The following DYNC1I1 variants were observed in gnomAD, a reference collection of about 807,000 sequenced individuals.
DYNC1I1 encodes the protein cytoplasmic dynein 1 intermediate chain 1.
In DYNC1I1, 43 loss-of-function variants were observed where a neutral mutation model predicts 86.6. That is an observed-to-expected ratio of 0.50 (90% confidence interval 0.39 to 0.64). DYNC1I1 has a LOEUF of 0.64. Ranked by LOEUF, DYNC1I1 falls within the 30% of genes least tolerant of loss-of-function variation. DYNC1I1 has a pLI of 0.00. For synonymous variants in DYNC1I1, 262 were observed against 283.7 expected, an observed-to-expected ratio of 0.92 and a Z score of 0.77; for missense variants, 604 against 788.8, an observed-to-expected ratio of 0.77 and a Z score of 2.81.
intron 5 of DYNC1I1, among the ~76,000 whole-genome samples, chr7:95,851,487 C>T (rs1438623561): frequency 1.3e-5 from 2 of 152,134 alleles, no homozygotes; most frequent in Non-Finnish European, 2.9e-5. Context: ...CTATGGAAAG[C>T]AAAACCTTGG....
chr7:95,866,360 C>G (rs1449777192), intron 5 of DYNC1I1, among the ~76,000 whole-genome samples: 1 of 152,148 alleles, frequency 6.6e-6, no homozygotes, highest in African/African-American at 2.4e-5. Context: ...AAGAAGCATG[C>G]CTCAATGAGT....
chr7:95,931,485 A>T (rs2116410687), intron 6 of DYNC1I1, among the ~76,000 whole-genome samples: 1 of 138,942 alleles, frequency 7.2e-6, no homozygotes, highest in Non-Finnish European at 1.5e-5. Context: ...ATCTAATAAT[A>T]CTGATAAAGA....
chr7:96,054,036 A>G (rs1192860057), intron 14 of DYNC1I1, among the ~76,000 whole-genome samples: 2 of 152,164 alleles, frequency 1.3e-5, no homozygotes, highest in Non-Finnish European at 2.9e-5. Context: ...TTTGTTACAT[A>G]GGTGCCATAG....
chr7:95,809,390 G>A (rs1794776454), intron 2 of DYNC1I1, among the ~76,000 whole-genome samples: 1 of 152,130 alleles, frequency 6.6e-6, no homozygotes. Context: ...TGGGGAAGAA[G>A]GTATGTCTCA....
At chr7:95,787,038 C>T (rs954254274) in intron 1 of DYNC1I1, among the ~76,000 whole-genome samples, 2 of 152,176 alleles carry the variant, frequency 1.3e-5, no homozygotes, top group African/African-American at 4.8e-5. Context: ...CTGAATCTTA[C>T]TTTTGAGTGT....
intron 1 of DYNC1I1, among the ~76,000 whole-genome samples, chr7:95,776,780 G>A (rs1562887761): frequency 1.3e-5 from 2 of 152,210 alleles, no homozygotes; most frequent in Non-Finnish European, 2.9e-5. Flanking sequence ...CAGGCCTCCA[G>A]GCGTGGCAGG....
chr7:95,823,729 G>A (rs1179958805), intron 4 of DYNC1I1, among the ~76,000 whole-genome samples: 1 of 151,692 alleles, frequency 6.6e-6, no homozygotes, highest in Admixed American at 6.6e-5. Context: ...GACTTTGTCA[G>A]GTTTACATAT....
chr7:96,059,375 A>AAT (rs993532948), intron 14 of DYNC1I1, among the ~76,000 whole-genome samples: 4 of 152,180 alleles, frequency 2.6e-5, no homozygotes, highest in Admixed American at 6.5e-5. Flanking sequence ...ATTTGTTTAC[A>AAT]ATATGAGAGC....
chr7:95,813,111 TA>T, intron 3 of DYNC1I1, 135 bp from the exon 4 acceptor site: 2 of 1,427,792 alleles, frequency 1.4e-6, no homozygotes, highest in Non-Finnish European at 9.3e-7. Context: ...TTTTTTTCTT[TA>T]TCCCATCTCA....
At chr7:95,866,610 C>T (rs1300040981) in intron 5 of DYNC1I1, among the ~76,000 whole-genome samples, 2 of 152,216 alleles carry the variant, frequency 1.3e-5, no homozygotes, top group South Asian at 2.1e-4. Context: ...GTATGAAAAG[C>T]GTCTGGCATA....
chr7:95,977,167 G>A (rs1285184580), intron 6 of DYNC1I1, among the ~76,000 whole-genome samples: 1 of 152,184 alleles, frequency 6.6e-6, no homozygotes, highest in Non-Finnish European at 1.5e-5. Context: ...GCTCCAGGTG[G>A]AAACATTTTA....
intron 10 of DYNC1I1, among the ~76,000 whole-genome samples, chr7:96,022,888 A>AATG (rs1794588224): frequency 6.6e-6 from 1 of 151,656 alleles, no homozygotes; most frequent in African/African-American, 2.4e-5. Flanking sequence ...TAATAATAAT[A>AATG]ATATAAAGAA....
At chr7:96,076,748 AAC>A (rs1338863071) in intron 15 of DYNC1I1, among the ~76,000 whole-genome samples, 1 of 152,238 alleles carries the variant, frequency 6.6e-6, no homozygotes, top group African/African-American at 2.4e-5. Flanking sequence ...AGACTTTTAC[AAC>A]AGTCTCCAAC....
intron 6 of DYNC1I1, among the ~76,000 whole-genome samples, chr7:95,891,638 G>A (rs926551574): frequency 2.0e-5 from 3 of 152,178 alleles, no homozygotes; most frequent in Non-Finnish European, 4.4e-5. Context: ...GAGTTTTAAT[G>A]TTCTTGCATA....
chr7:95,881,560 C>A (rs1790455737), intron 6 of DYNC1I1, among the ~76,000 whole-genome samples: 1 of 152,186 alleles, frequency 6.6e-6, no homozygotes, highest in Non-Finnish European at 1.5e-5. Context: ...TATTTGGGAA[C>A]AAATGATCTC....
At chr7:95,916,793 A>G (rs139776578) in intron 6 of DYNC1I1, among the ~76,000 whole-genome samples, 54 of 152,316 alleles carry the variant, frequency 3.5e-4, no homozygotes, top group African/African-American at 1.3e-3. Flanking sequence ...CTTACTTTTT[A>G]GAAAACTGCT....
At chr7:95,789,975 G>A (rs890895147) in intron 1 of DYNC1I1, among the ~76,000 whole-genome samples, 1 of 152,128 alleles carries the variant, frequency 6.6e-6, no homozygotes, top group African/African-American at 2.4e-5. Flanking sequence ...GGCTGCCTGT[G>A]ACCACTGACT....
At chr7:96,092,315 A>G (rs1047000237) in intron 16 of DYNC1I1, among the ~76,000 whole-genome samples, 143 of 152,370 alleles carry the variant, frequency 9.4e-4, no homozygotes, top group African/African-American at 3.0e-3. Context: ...TTCAGGGTTT[A>G]TAGTGTACAA....
intron 9 of DYNC1I1, among the ~76,000 whole-genome samples, chr7:95,988,244 G>A (rs942598121): frequency 2.6e-5 from 4 of 152,140 alleles, no homozygotes; most frequent in Admixed American, 2.0e-4. Context: ...GAGTGTGGTG[G>A]CAAATGCCTG....
Sources: gnomAD v4.1 joint callset for allele counts (sites outside exome capture counted in the v4.1 genomes callset) on GRCh38, gnomAD v4.1.1 for gene constraint, MANE v1.5 for transcripts, NCBI Gene and HGNC (gene_info 2026-07-23, HGNC 2026-07-21) for gene names.